The following NPHP4 variants were observed in gnomAD, a reference collection of about 807,000 sequenced individuals.
NPHP4 encodes nephrocystin-4.
NPHP4 carries 151 observed loss-of-function variants against 155.8 expected under a neutral mutation model. The ratio of observed to expected loss-of-function variants is 0.97; its 90% confidence interval spans 0.85 to 1.11. NPHP4 has a LOEUF of 1.11. NPHP4 is among the 50% of genes least tolerant of loss of function. NPHP4 has a pLI of 0.00. For synonymous variants in NPHP4, 845 were observed against 816.8 expected, an observed-to-expected ratio of 1.03 and a Z score of -0.59; for missense variants, 1,956 against 1,925.7, an observed-to-expected ratio of 1.02 and a Z score of -0.29.
chr1:5,939,631 C>G (rs1324678905), intron 9 of NPHP4, among the ~76,000 whole-genome samples: 1 of 152,232 alleles, frequency 6.6e-6, no homozygotes, highest in Non-Finnish European at 1.5e-5. Flanking sequence ...AGATTCAGGG[C>G]CCAGCATCCA....
chr1:5,885,066 T>C (rs1643666019), intron 18 of NPHP4, among the ~76,000 whole-genome samples: 1 of 122,064 alleles, frequency 8.2e-6, no homozygotes, highest in Non-Finnish European at 1.6e-5. Context: ...GCCCCCGTCC[T>C]ACTCCACAAC....
chr1:5,879,074 A>AG (rs34020262), intron 19 of NPHP4, among the ~76,000 whole-genome samples: 1 of 152,214 alleles, frequency 6.6e-6, no homozygotes, highest in Non-Finnish European at 1.5e-5. Context: ...GTCTGCTCCC[A>AG]GGGAGAACAT....
intron 5 of NPHP4, among the ~76,000 whole-genome samples, chr1:5,965,184 C>T (rs1651250884): frequency 1.3e-5 from 2 of 151,960 alleles, no homozygotes; most frequent in Admixed American, 1.3e-4. Flanking sequence ...CTGCCCACCT[C>T]AGCCTCTCAA....
At chr1:5,930,644 TAA>T (rs1646227406) in intron 10 of NPHP4, among the ~76,000 whole-genome samples, 1 of 152,258 alleles carries the variant, frequency 6.6e-6, no homozygotes, top group Non-Finnish European at 1.5e-5. Flanking sequence ...ACATCCTGTA[TAA>T]TCTCAACTCT....
chr1:5,983,511 G>A (rs746673159), intron 2 of NPHP4, among the ~76,000 whole-genome samples: 20 of 152,172 alleles, frequency 1.3e-4, no homozygotes, highest in African/African-American at 4.8e-5. Flanking sequence ...GGAATCAAAC[G>A]CATCCTGTGT....
At chr1:5,925,193 A>T (rs986273243) in intron 11 of NPHP4, among the ~76,000 whole-genome samples, 2 of 152,202 alleles carry the variant, frequency 1.3e-5, no homozygotes, top group Non-Finnish European at 2.9e-5. Flanking sequence ...AATATTTTTT[A>T]AAAAATGGAT....
At chr1:5,903,196 T>A (rs947528377) in intron 16 of NPHP4, among the ~76,000 whole-genome samples, 1 of 152,224 alleles carries the variant, frequency 6.6e-6, no homozygotes, top group African/African-American at 2.4e-5. Flanking sequence ...ACTCCCATGA[T>A]TGTGGAGGTT....
chr1:5,890,416 T>TA lies in NPHP4; in HGVS notation c.2304+451dup, dbSNP rs940032296. Among the ~76,000 whole-genome samples the TA allele has an allele frequency of 6.6e-6, 1 of 152,020 alleles. No homozygotes were observed. Among genetic ancestry groups the TA allele is most frequent in the African/African-American group, 2.4e-5 (1 of 41,378 alleles). ...AAGGAGAATGGAAAAGGACAATTAG[T>TA]AAAAGAGATTCTAATTTTCACCAGA... is the stretch of plus-strand genomic sequence containing the variant. On this transcript the variant is annotated intron_variant, in intron 17 of 29. Coordinates refer to ENST00000378156, the MANE Select transcript of NPHP4 (RefSeq NM_015102.5). The surrounding 1 kb of genome is among the most constrained non-coding windows in gnomAD (Gnocchi z 4.9).
chr1:5,979,756 C>T (rs1029123407), intron 2 of NPHP4, among the ~76,000 whole-genome samples: 2 of 151,972 alleles, frequency 1.3e-5, no homozygotes, highest in African/African-American at 4.8e-5. Context: ...TCAAGTGACC[C>T]GCCCGTCTCG....
At chr1:5,964,941 A>ATATATATATATATATATATTTTTTTTTTT in intron 5 of NPHP4, among the ~76,000 whole-genome samples, 3 of 59,406 alleles carry the variant, frequency 5.0e-5, no homozygotes, top group African/African-American at 8.5e-5. Context: ...ATATATATAT[A>ATATATATATATATATATATTTTTTTTTTT]TTTTTTTTTT....
chr1:5,922,471 G>C (rs752430638), intron 11 of NPHP4, among the ~76,000 whole-genome samples: 2 of 151,972 alleles, frequency 1.3e-5, no homozygotes, highest in Non-Finnish European at 2.9e-5. Context: ...GAACATTACA[G>C]TAAGTCTGAA....
In NPHP4 at chr1:5,933,196, G is replaced by A. The variant is rs767476133; in HGVS notation, c.1253C>T (p.Ser418Leu). 1.7e-5 allele frequency: 28 copies of A among 1,613,788 alleles called. No homozygotes were observed. The highest frequency in any genetic ancestry group is 2.2e-5 in the East Asian group (1 of 44,890). ...GGGTACCTTGTAGACCAGACAGTGC[G>A]AGGGGTTGGGCTGGATCCCACCCTG... Reference protein sequence around the residue: ...PLQGGIQPNPSHCLVYKVPSA... With the variant: ...PLQGGIQPNPLHCLVYKVPSA... The change falls in exon 10 of 30, where the codon TCG becomes TTG. Residue 418 changes from serine (S) to leucine (L), a missense_variant. By Grantham distance (145) the Ser-to-Leu change is moderately radical (BLOSUM62 -2). Coordinates refer to ENST00000378156, the MANE Select transcript of NPHP4 (RefSeq NM_015102.5).
rs398124289 is a variant in NPHP4 at position 5,874,973 on chromosome 1, T to TGGAGC, written c.2940_2944dup (p.His982ArgfsTer26). Reference sequence around the variant, plus strand: ...GAACTCGGCGACCCCCAGCGTGGCGTGGAGCGTGTGCTCCGTGGTGATGGC... The same window carrying TGGAGC: ...GAACTCGGCGACCCCCAGCGTGGCGTGGAGCGGAGCGTGTGCTCCGTGGTGATGGC... On this transcript the variant is annotated frameshift_variant, in exon 21 of 30. Coordinates refer to ENST00000378156, the MANE Select transcript of NPHP4 (RefSeq NM_015102.5). LOFTEE classifies it high-confidence loss of function. 3 of 1,613,078 alleles carry TGGAGC rather than the reference T, an allele frequency of 1.9e-6. No individual in the cohort carries two copies. In the Admixed American group the frequency reaches 5.0e-5, roughly 27 times the overall value.
chr1:5,938,579 G>GTT (rs1463321746), intron 9 of NPHP4, among the ~76,000 whole-genome samples: 1 of 152,240 alleles, frequency 6.6e-6, no homozygotes, highest in African/African-American at 2.4e-5. Context: ...ACCACAGGCA[G>GTT]TTAAAGTCAT....
rs1053288570 is a variant in NPHP4, at chr1:5,948,428, C to G, written c.811-177G>C. Among the ~76,000 whole-genome samples, 4 of 152,224 alleles carry G rather than the reference C, an allele frequency of 2.6e-5. No homozygotes were observed. In the South Asian group the frequency reaches 8.3e-4, roughly 32 times the overall value. On this transcript the variant is annotated intron_variant, in intron 7 of 29. Coordinates refer to ENST00000378156, the MANE Select transcript of NPHP4 (RefSeq NM_015102.5). ...CAAATGACAGATACAGCACCCAATC[C>G]CAGCCACTGGCCTTGGGGCACTGCC... is the stretch of plus-strand genomic sequence containing the variant.
intron 5 of NPHP4, among the ~76,000 whole-genome samples, chr1:5,962,606 G>A (rs1003710590): frequency 5.9e-5 from 9 of 152,222 alleles, no homozygotes; most frequent in Non-Finnish European, 4.4e-5. Flanking sequence ...CTGTCCTCAG[G>A]GAGGAGCCAC....
In NPHP4 at chr1:5,877,098, C is replaced by T. The variant is rs184961418; in HGVS notation, c.2812G>A (p.Val938Met). The T allele has an allele frequency of 8.2e-4, 1,282 of 1,563,440 alleles. 7 individuals are homozygous for T. The African/African-American group carries it at 0.014, about 17-fold the overall frequency. ...ACAGCTGAACAAACCCTTACCAACA[C>T]GCTCGTCCCGCGCCGGCCCAAGTCT... The part of the protein sequence containing the change: ...GGDLGRRGTS[V>M]LAQQSVRTQH... The change falls in exon 20 of 30, where the codon GTG (valine) becomes ATG (methionine). Residue 938 changes from valine to methionine, a missense_variant. Coordinates refer to ENST00000378156, the MANE Select transcript of NPHP4 (RefSeq NM_015102.5).
chr1:5,898,904 T>C (rs752346628), intron 16 of NPHP4, among the ~76,000 whole-genome samples: 5 of 152,026 alleles, frequency 3.3e-5, no homozygotes, highest in Non-Finnish European at 7.4e-5. Context: ...AACACATGCC[T>C]CATGAACGAC....
chr1:5,938,187 G>C (rs532942320), intron 9 of NPHP4, among the ~76,000 whole-genome samples: 1 of 152,212 alleles, frequency 6.6e-6, no homozygotes, highest in African/African-American at 2.4e-5. Flanking sequence ...CTCAGGGCAC[G>C]GGCTGAGGGC....
Sources: allele counts gnomAD v4.1 joint callset (sites outside exome capture counted in the v4.1 genomes callset), GRCh38; gene constraint gnomAD v4.1.1; non-coding constraint Gnocchi (gnomAD v3.1); transcripts MANE v1.5; gene names NCBI Gene and HGNC (gene_info 2026-07-23, HGNC 2026-07-21).